CCSER1: variants seen among roughly 807,000 people sequenced by gnomAD.
The protein encoded by CCSER1 is coiled-coil serine rich protein 1.
Under a neutral mutation model 82.0 loss-of-function variants are expected in CCSER1, and 41 were observed. The ratio of observed to expected loss-of-function variants is 0.50; its 90% confidence interval spans 0.39 to 0.65. The LOEUF is 0.65. Among genes scored for constraint, CCSER1 ranks in the 30% least tolerant of loss-of-function variants. The pLI, the probability that CCSER1 is intolerant of heterozygous loss-of-function variation, is 0.00. For synonymous variants in CCSER1, 414 were observed against 383.9 expected (o/e 1.08, Z -0.92); for missense variants, 1,119 against 1,064.2 (o/e 1.05, Z -0.72).
intron 10 of CCSER1, among the ~76,000 whole-genome samples, chr4:91,271,879 C>G (rs1182872181): frequency 1.3e-5 from 2 of 152,058 alleles, no homozygotes; most frequent in Non-Finnish European, 2.9e-5. Flanking sequence ...CTCATCCTCC[C>G]GAGTAGCCAG....
At chr4:91,249,271 T>C (rs1740064500) in intron 10 of CCSER1, among the ~76,000 whole-genome samples, 1 of 152,202 alleles carries the variant, frequency 6.6e-6, no homozygotes, top group South Asian at 2.1e-4. Flanking sequence ...GTGACAGTAC[T>C]ATTATTTTAA....
chr4:90,743,129 G>T (rs903052507), intron 7 of CCSER1, among the ~76,000 whole-genome samples: 1 of 152,096 alleles, frequency 6.6e-6, no homozygotes, highest in Admixed American at 6.5e-5. Context: ...CTACAATAAA[G>T]ATATTCTCAA....
chr4:91,483,349 T>C (rs1429373628), intron 10 of CCSER1, among the ~76,000 whole-genome samples: 1 of 152,162 alleles, frequency 6.6e-6, no homozygotes, highest in African/African-American at 2.4e-5. Flanking sequence ...TTCTGGCTAC[T>C]AGAAAAATAT....
chr4:91,243,624 C>T (rs1739546147), intron 10 of CCSER1, among the ~76,000 whole-genome samples: 1 of 152,158 alleles, frequency 6.6e-6, no homozygotes, highest in African/African-American at 2.4e-5. Flanking sequence ...GCCCCCATTC[C>T]AAACCCTAGC....
Position 90,820,030 on chromosome 4 carries a change from A to G in CCSER1, c.2094+4185A>G, listed in dbSNP as rs1310272672. Among the ~76,000 whole-genome samples the G allele has an allele frequency of 2.0e-5, 3 of 152,244 alleles. No homozygotes were observed. The East Asian group carries it at 5.8e-4, about 29-fold the overall frequency. Reference sequence around the variant, plus strand: ...TGGAACATCTACTCCCAACTGTTCTATAATAGAACAAAATCTCCTCTGCAT... The same window carrying G: ...TGGAACATCTACTCCCAACTGTTCTGTAATAGAACAAAATCTCCTCTGCAT... On this transcript the variant is annotated intron_variant, in intron 8 of 10. Coordinates refer to ENST00000509176, the MANE Select transcript of CCSER1 (RefSeq NM_001145065.2).
At chr4:90,893,755 T>TTGTGTG (rs58240569) in intron 8 of CCSER1, among the ~76,000 whole-genome samples, 1 of 144,904 alleles carries the variant, frequency 6.9e-6, no homozygotes, top group South Asian at 2.2e-4. Flanking sequence ...ACCTGAATTC[T>TTGTGTG]TGTGTGTGTG....
chr4:91,547,384 T>C (rs1761943786), intron 10 of CCSER1, among the ~76,000 whole-genome samples: 1 of 152,200 alleles, frequency 6.6e-6, no homozygotes. Flanking sequence ...TGCTTTGTTG[T>C]TAGGCACATA....
chr4:90,647,752 A>G (rs1165159757), intron 6 of CCSER1, among the ~76,000 whole-genome samples: 2 of 152,176 alleles, frequency 1.3e-5, no homozygotes, highest in Non-Finnish European at 2.9e-5. Context: ...TTTATTTTAC[A>G]TTTGTTTATG....
At chr4:90,301,768 A>G (rs1022936812) in intron 1 of CCSER1, among the ~76,000 whole-genome samples, 1 of 152,108 alleles carries the variant, frequency 6.6e-6, no homozygotes, top group African/African-American at 2.4e-5. Context: ...ATTTTATCCA[A>G]TTTGGAAATT....
intron 5 of CCSER1, among the ~76,000 whole-genome samples, chr4:90,539,330 T>C (rs889397857): frequency 4.6e-5 from 7 of 152,050 alleles, no homozygotes; most frequent in Non-Finnish European, 1.0e-4. Flanking sequence ...AGACAGGGAT[T>C]CACTGATGCA....
intron 5 of CCSER1, among the ~76,000 whole-genome samples, chr4:90,483,835 C>G (rs1470591630): frequency 6.6e-6 from 1 of 152,160 alleles, no homozygotes; most frequent in Non-Finnish European, 1.5e-5. Context: ...ATTGGTGAAT[C>G]TGACAATTAT....
At chr4:90,501,407 T>C (rs1471823245) in intron 5 of CCSER1, among the ~76,000 whole-genome samples, 1 of 150,164 alleles carries the variant, frequency 6.7e-6, no homozygotes, top group Non-Finnish European at 1.5e-5. Context: ...ACTGCCATTT[T>C]TGGAGGATTA....
chr4:91,172,305 CAG>C (rs1348992659), intron 10 of CCSER1, among the ~76,000 whole-genome samples: 3 of 151,904 alleles, frequency 2.0e-5, no homozygotes, highest in Non-Finnish European at 4.4e-5. Flanking sequence ...CAGAGTGTTA[CAG>C]AGAGAAAAAA....
Position 90,724,003 on chromosome 4 carries a change from A to T in CCSER1, c.2010+12A>T, listed in dbSNP as rs767772302. 3 of 1,481,062 alleles carry T rather than the reference A, an allele frequency of 2.0e-6. No individual in the cohort carries two copies. The Admixed American group carries it at 5.8e-5, about 28-fold the overall frequency. 91.7% of individuals were successfully genotyped at this position (1,481,062 alleles called of 1,614,324 possible). On this transcript the variant is annotated intron_variant, in intron 7 of 10. Coordinates refer to ENST00000509176, the MANE Select transcript of CCSER1 (RefSeq NM_001145065.2). ...CAGTGCCTTTCAAGGTAAAAAACAA[A>T]CAAGAAAGCATTATTTATAAAAATA...
Position 90,751,076 on chromosome 4 carries a change from A to G in CCSER1, c.2010+27085A>G, listed in dbSNP as rs572902338. On this transcript the variant is annotated intron_variant, in intron 7 of 10. Transcript: ENST00000509176. The stretch of plus-strand genomic sequence containing the variant: ...ACGAAAGGTTCAGTGAAGTTTTGCA[A>G]AAATTGGTGCATAAACTCAGATATG... Among the ~76,000 whole-genome samples, 194 of 152,256 alleles carry G rather than the reference A, an allele frequency of 1.3e-3. 5 individuals are homozygous for G. In the South Asian group the frequency reaches 0.039, roughly 31 times the overall value.
chr4:91,382,321 C>T (rs1750967051), intron 10 of CCSER1, among the ~76,000 whole-genome samples: 1 of 152,306 alleles, frequency 6.6e-6, no homozygotes, highest in Non-Finnish European at 1.5e-5. Flanking sequence ...TCTACAGAGG[C>T]AGGCAGGCCT....
chr4:91,219,289 G>A (rs959173918), intron 10 of CCSER1, among the ~76,000 whole-genome samples: 2 of 135,670 alleles, frequency 1.5e-5, no homozygotes, highest in Non-Finnish European at 3.2e-5. Flanking sequence ...AAAGTGAATA[G>A]TCAATATTTA....
intron 10 of CCSER1, among the ~76,000 whole-genome samples, chr4:91,167,481 G>T (rs1385988342): frequency 6.6e-6 from 1 of 152,092 alleles, no homozygotes; most frequent in Non-Finnish European, 1.5e-5. Context: ...ACTGCACCCG[G>T]CCAAGAATTG....
chr4:90,838,797 C>G lies in CCSER1; in HGVS notation c.2094+22952C>G. On this transcript the variant is annotated intron_variant, in intron 8 of 10. Transcript: ENST00000509176. The stretch of plus-strand genomic sequence containing the variant: ...GAAAGGGGCAGCACAGTCATTTAAA[C>G]TTGATCCAACCTCTTTGCATCTTAC... 1.4e-5 allele frequency: 20 copies of G among 1,447,984 alleles called. No homozygotes were observed. The South Asian group carries it at 2.0e-4, about 14-fold the overall frequency. 89.7% of individuals were successfully genotyped at this position (1,447,984 alleles called of 1,614,324 possible).
Sources: allele counts gnomAD v4.1 joint callset (sites outside exome capture counted in the v4.1 genomes callset), GRCh38; gene constraint gnomAD v4.1.1; transcripts MANE v1.5; gene names NCBI Gene and HGNC (gene_info 2026-07-23, HGNC 2026-07-21).